ZNF676: variants seen among roughly 807,000 people sequenced by gnomAD.
ZNF676 encodes zinc finger protein 676.
ZNF676 carries 4 observed loss-of-function variants against 6.0 expected under a neutral mutation model. The ratio of observed to expected loss-of-function variants is 0.67; its 90% confidence interval spans 0.33 to 1.53. ZNF676 has a LOEUF of 1.53. Ranked by LOEUF, ZNF676 falls within the 40% of genes most tolerant of loss-of-function variation. The pLI, the probability that ZNF676 is intolerant of heterozygous loss-of-function variation, is 0.06. For missense variants in ZNF676, 644 were observed against 679.7 expected (o/e 0.95, Z 0.58); for synonymous variants, 198 against 223.1 (o/e 0.89, Z 1.00).
At chr19:22,234,258 T>C in the ZNF676 span, among the ~76,000 whole-genome samples, 1 of 152,194 alleles carries the variant, frequency 6.6e-6, no homozygotes, top group South Asian at 2.1e-4. Context: ...CCATAGTCTT[T>C]TCTTCCTCTG....
intron 2 of ZNF676, among the ~76,000 whole-genome samples, chr19:22,185,011 G>A (rs1232346624): frequency 2.6e-5 from 4 of 152,048 alleles, no homozygotes; most frequent in Non-Finnish European, 2.9e-5. Flanking sequence ...CAGCGTTCAA[G>A]CGCTGCTAAG....
At chr19:22,220,171 C>T (rs190474160), upstream of ZNF676, among the ~76,000 whole-genome samples, 15 of 152,202 alleles carry the variant, frequency 9.9e-5, no homozygotes, top group African/African-American at 3.4e-4. Context: ...ATAAAATGTT[C>T]TTGATTATGG....
At chr19:22,241,900 T>A in the ZNF676 span, among the ~76,000 whole-genome samples, 1 of 151,854 alleles carries the variant, frequency 6.6e-6, no homozygotes, top group Non-Finnish European at 1.5e-5. Context: ...AACTCTCCAG[T>A]ACACTGTGTC....
In ZNF676 at chr19:22,180,244, G is replaced by A. The variant is rs1387323938; in HGVS notation, c.1473C>T (p.Ile491=). The part of the protein sequence containing the change: ...ECGKGFSTFS[I]LTKHKIIHTG... Reference sequence around the variant, plus strand: ...TATGAATTATCTTATGTTTAGTAAGGATTGAGAACGTACTAAAGCCTTTGC... The same window carrying A: ...TATGAATTATCTTATGTTTAGTAAGAATTGAGAACGTACTAAAGCCTTTGC... Residue 491 remains isoleucine, a synonymous_variant, in exon 3 of 3, where the codon ATC becomes ATT. Transcript: ENST00000397121. 1.2e-6 allele frequency: 2 copies of A among 1,613,278 alleles called. No individual in the cohort carries two copies. The highest frequency in any genetic ancestry group is 3.3e-5 in the Admixed American group (2 of 59,940).
chr19:22,252,757 G>A, the ZNF676 span, among the ~76,000 whole-genome samples: 2 of 152,210 alleles, frequency 1.3e-5, no homozygotes, highest in African/African-American at 2.4e-5. Flanking sequence ...ACCTAAGTGC[G>A]AGGAGCCACA....
chr19:22,242,237 G>A, the ZNF676 span, among the ~76,000 whole-genome samples: 2 of 151,900 alleles, frequency 1.3e-5, 1 homozygote, highest in African/African-American at 4.9e-5. Context: ...CATGAGTGCT[G>A]GGAAAGGGTA....
At chr19:22,200,059 G>A (rs956465510), upstream of ZNF676, among the ~76,000 whole-genome samples, 2 of 152,118 alleles carry the variant, frequency 1.3e-5, no homozygotes, top group Non-Finnish European at 2.9e-5. Context: ...GAACAGGGCT[G>A]GGGCAGAGTG....
chr19:22,189,599 G>C (rs2023878348), intron 2 of ZNF676, among the ~76,000 whole-genome samples: 1 of 151,808 alleles, frequency 6.6e-6, no homozygotes, highest in South Asian at 2.1e-4. Flanking sequence ...CAGAATGGGA[G>C]AAAAATTTTG....
At chr19:22,192,950 T>G (rs1187239909) in intron 2 of ZNF676, 66 bp downstream of exon 2, 1 of 1,480,328 alleles carries the variant, frequency 6.8e-7, no homozygotes, top group African/African-American at 1.5e-5. Context: ...CAAATGACTT[T>G]AAGGACTGGC....
chr19:22,253,372 G>GATTGTGTGTATA, the ZNF676 span, among the ~76,000 whole-genome samples: 5 of 90,850 alleles, frequency 5.5e-5, no homozygotes, highest in East Asian at 3.8e-4. Context: ...GTGTGTGTGT[G>GATTGTGTGTATA]TATATATATA....
chr19:22,182,296 A>C (rs1473158086), intron 2 of ZNF676, among the ~76,000 whole-genome samples: 1 of 152,202 alleles, frequency 6.6e-6, no homozygotes, highest in Non-Finnish European at 1.5e-5. Context: ...ACAAAGCTAC[A>C]TTATAAATTT....
the ZNF676 span, among the ~76,000 whole-genome samples, chr19:22,258,178 G>T: frequency 6.6e-6 from 1 of 152,060 alleles, no homozygotes; most frequent in Non-Finnish European, 1.5e-5. Context: ...AAAGAAAAAA[G>T]TCACATTACC....
chr19:22,192,333 T>G (rs1055531285), intron 2 of ZNF676, among the ~76,000 whole-genome samples: 1 of 152,050 alleles, frequency 6.6e-6, no homozygotes, highest in Non-Finnish European at 1.5e-5. Flanking sequence ...TAAATATATT[T>G]TATGTCTATA....
the ZNF676 span, among the ~76,000 whole-genome samples, chr19:22,251,155 T>C: frequency 8.7e-4 from 132 of 152,314 alleles, 1 homozygote; most frequent in Admixed American, 4.7e-3. Flanking sequence ...TGATATTCCT[T>C]TAATGGAACA....
At chr19:22,256,784 G>C in the ZNF676 span, among the ~76,000 whole-genome samples, 14 of 152,082 alleles carry the variant, frequency 9.2e-5, no homozygotes, top group Admixed American at 2.6e-4. Context: ...CAGAAGAGAA[G>C]AGGCACATCA....
At chr19:22,196,953 T>C (rs2023973868), upstream of ZNF676, 1 of 444,914 alleles carries the variant, frequency 2.2e-6, no homozygotes, top group East Asian at 4.4e-5. Context: ...ATATGTAATA[T>C]TTTTCTAGAT....
chr19:22,234,941 GGAAA>G, the ZNF676 span, among the ~76,000 whole-genome samples: 2 of 111,976 alleles, frequency 1.8e-5, no homozygotes, highest in African/African-American at 3.4e-5. Flanking sequence ...CCAAAAAGAA[GGAAA>G]GAAAGAAAGA....
the ZNF676 span, among the ~76,000 whole-genome samples, chr19:22,240,298 A>G: frequency 1.4e-4 from 21 of 150,940 alleles, 1 homozygote; most frequent in African/African-American, 4.5e-4. Context: ...GAAGAGGCAA[A>G]TCAAACCACC....
intron 1 of ZNF676, among the ~76,000 whole-genome samples, chr19:22,202,389 C>T (rs2024034929): frequency 6.6e-6 from 1 of 152,204 alleles, no homozygotes; most frequent in Non-Finnish European, 1.5e-5. Flanking sequence ...GGCAGAGACA[C>T]AATTCCACCT....
Sources: allele counts gnomAD v4.1 joint callset (sites outside exome capture counted in the v4.1 genomes callset), GRCh38; gene constraint gnomAD v4.1.1; transcripts MANE v1.5; gene names NCBI Gene and HGNC (gene_info 2026-07-23, HGNC 2026-07-21).